Variants in PHACTR3 observed in about 807,000 individuals in gnomAD.
PHACTR3 encodes phosphatase and actin regulator 3.
In PHACTR3, 16 loss-of-function variants were observed where a neutral mutation model predicts 66.8. That is an observed-to-expected ratio of 0.24 (90% confidence interval 0.16 to 0.36). PHACTR3 has a LOEUF of 0.36. PHACTR3 is among the 10% of genes least tolerant of loss of function. The pLI is 1.00. For missense variants in PHACTR3, 647 were observed against 719.9 expected (o/e 0.90, Z 1.16); for synonymous variants, 323 against 292.1 (o/e 1.11, Z -1.08).
rs756735750 is a variant in PHACTR3 at position 59,829,609 on chromosome 20, C to G, written c.1329-6896C>G. Among the ~76,000 whole-genome samples, 1 of 151,964 alleles carries G rather than the reference C, an allele frequency of 6.6e-6. No homozygotes were observed. The highest frequency in any genetic ancestry group is 1.5e-5 in the Non-Finnish European group (1 of 67,970). ...TGAATGGTGTGTGGAGACGCTGCCT[C>G]GCTGGGGAATCCCATCTCCAGGCGG... On this transcript the variant is annotated intron_variant, in intron 8 of 12. Transcript: ENST00000371015. The surrounding 1 kb of genome is among the most constrained non-coding windows in gnomAD (Gnocchi z 4.2).
chr20:59,733,814 A>C (rs1263548656), intron 1 of PHACTR3, among the ~76,000 whole-genome samples: 1 of 152,186 alleles, frequency 6.6e-6, no homozygotes, highest in Non-Finnish European at 1.5e-5. Flanking sequence ...GAGCAAATTC[A>C]TGCCAGGTGC....
At chr20:59,839,219 C>A (rs1461359007) in intron 9 of PHACTR3, among the ~76,000 whole-genome samples, 1 of 152,002 alleles carries the variant, frequency 6.6e-6, no homozygotes, top group Non-Finnish European at 1.5e-5. Context: ...TCTGATGATA[C>A]CTTAAAAGTA....
In PHACTR3 at chr20:59,767,306, T is replaced by C; in HGVS notation, c.662T>C (p.Leu221Pro). Reference protein sequence around the residue: ...ADSLDSPPRPLERSVGQLPSP... With the variant: ...ADSLDSPPRPPERSVGQLPSP... ...TCCCTGGACAGTCCTCCCAGACCTC[T>C]GGAGAGATCCGTGGGCCAGCTCCCC... The change falls in exon 5 of 13, where the codon CTG becomes CCG. Residue 221 changes from leucine to proline, a missense_variant. Physicochemically the swap from Leu to Pro is moderately conservative, Grantham distance 98. Around this residue, in one of 2 missense-constraint regions of PHACTR3, gnomAD observed 577 missense variants for 571.1 expected, o/e 1.01. Coordinates refer to ENST00000371015, the MANE Select transcript of PHACTR3 (RefSeq NM_080672.5). The C allele has an allele frequency of 6.2e-7, 1 of 1,614,206 alleles. No homozygotes were observed. Among genetic ancestry groups the C allele is most frequent in the Non-Finnish European group, 8.5e-7 (1 of 1,180,026 alleles).
intron 1 of PHACTR3, among the ~76,000 whole-genome samples, chr20:59,653,935 C>T (rs887347746): frequency 2.0e-5 from 3 of 152,150 alleles, no homozygotes; most frequent in African/African-American, 4.8e-5. Context: ...CCCACTAAAA[C>T]GAAGCAGAGT....
intron 1 of PHACTR3, among the ~76,000 whole-genome samples, chr20:59,580,256 G>T (rs1377594910): frequency 6.6e-6 from 1 of 152,138 alleles, no homozygotes; most frequent in South Asian, 2.1e-4. Flanking sequence ...ACCCAAGGAA[G>T]AACCAGGCTG....
intron 1 of PHACTR3, among the ~76,000 whole-genome samples, chr20:59,716,882 GA>G (rs1398886569): frequency 1.3e-5 from 2 of 152,144 alleles, no homozygotes; most frequent in African/African-American, 4.8e-5. Flanking sequence ...AAGGGTTCCA[GA>G]AGGCCATTAA....
At chr20:59,666,660 T>G (rs1231992282) in intron 1 of PHACTR3, among the ~76,000 whole-genome samples, 4 of 147,122 alleles carry the variant, frequency 2.7e-5, no homozygotes, top group Middle Eastern at 3.5e-3. Context: ...GACAGAGAGA[T>G]AGAGAAACAG....
chr20:59,708,127 C>T (rs1227754796), intron 1 of PHACTR3, among the ~76,000 whole-genome samples: 2 of 152,192 alleles, frequency 1.3e-5, no homozygotes, highest in Non-Finnish European at 2.9e-5. Context: ...CTACCTCTGT[C>T]TGTACAGCTG....
At chr20:59,739,257 C>A (rs530633651) in intron 1 of PHACTR3, among the ~76,000 whole-genome samples, 5 of 152,256 alleles carry the variant, frequency 3.3e-5, no homozygotes, top group Admixed American at 6.5e-5. Flanking sequence ...GAATGTCAAA[C>A]AAGACATTCC....
Position 59,604,650 on chromosome 20 carries a change from C to T in PHACTR3, c.-365C>T. ...CCCCAGACATTCCAGGACATCACCC[C>T]CTGCCCCAAGCACGCAATAAACACT... On this transcript the variant is annotated 5_prime_UTR_variant, in exon 1 of 13. Coordinates refer to ENST00000371015, the MANE Select transcript of PHACTR3 (RefSeq NM_080672.5). 1 of 991,560 alleles carries T rather than the reference C, an allele frequency of 1.0e-6. No individual in the cohort carries two copies. Among genetic ancestry groups the T allele is most frequent in the Non-Finnish European group, 1.2e-6 (1 of 834,006 alleles). The allele number at this position is 991,560 out of a possible 1,614,324, so 61.4% of individuals were successfully genotyped here. A position where few individuals can be genotyped will look rare whatever the true frequency, so the allele number is the denominator to read the frequency against.
chr20:59,777,079 G>T (rs1432707602), intron 7 of PHACTR3, among the ~76,000 whole-genome samples: 1 of 152,148 alleles, frequency 6.6e-6, no homozygotes, highest in East Asian at 1.9e-4. Context: ...CTCCAAGGAG[G>T]AGCCATTCTC....
In PHACTR3 at chr20:59,604,595, G is replaced by A. The variant is rs1432302481; in HGVS notation, c.-420G>A. ...TTCCTTTTCCCTTTTTTCCTGGGGGGGTGGGGGGTGGGGTGGGGGGAGGGA... is the reference window on the plus strand; with the variant it reads ...TTCCTTTTCCCTTTTTTCCTGGGGGAGTGGGGGGTGGGGTGGGGGGAGGGA... On this transcript the variant is annotated 5_prime_UTR_variant, in exon 1 of 13. Transcript: ENST00000371015. 1.1e-5 allele frequency: 4 copies of A among 370,374 alleles called. No homozygotes were observed. Among genetic ancestry groups the A allele is most frequent in the Non-Finnish European group, 1.5e-5 (4 of 270,388 alleles). The allele number at this position is 370,374 out of a possible 1,614,324, so 22.9% of individuals were successfully genotyped here.
At chr20:59,692,674 T>G (rs2037155273) in intron 1 of PHACTR3, among the ~76,000 whole-genome samples, 1 of 152,236 alleles carries the variant, frequency 6.6e-6, no homozygotes, top group Admixed American at 6.5e-5. Flanking sequence ...ACAAAAGGCC[T>G]GGTTCCCTGC....
At chr20:59,606,311 C>CG (rs1568929428) in intron 1 of PHACTR3, among the ~76,000 whole-genome samples, 2 of 151,340 alleles carry the variant, frequency 1.3e-5, no homozygotes, top group South Asian at 4.2e-4. Context: ...CCTCCCCCCC[C>CG]CATTTGAAAA....
chr20:59,669,735 TTA>T (rs2036126728), intron 1 of PHACTR3, among the ~76,000 whole-genome samples: 1 of 152,240 alleles, frequency 6.6e-6, no homozygotes, highest in Non-Finnish European at 1.5e-5. Context: ...CATGTGGCGG[TTA>T]TGACTGGCTT....
chr20:59,624,712 C>G (rs2034383301), intron 1 of PHACTR3, among the ~76,000 whole-genome samples: 1 of 152,098 alleles, frequency 6.6e-6, no homozygotes, highest in South Asian at 2.1e-4. Flanking sequence ...TGGAGCTGAC[C>G]TGCTGGAGCC....
At chr20:59,737,556 C>G (rs1193714327) in intron 1 of PHACTR3, among the ~76,000 whole-genome samples, 13 of 151,362 alleles carry the variant, frequency 8.6e-5, no homozygotes, top group Admixed American at 8.6e-4. Flanking sequence ...ATGTGTGTGT[C>G]TCTGTGTGCA....
intron 8 of PHACTR3, 22 bp downstream of exon 8, chr20:59,806,216 C>T (rs1489279878): frequency 6.2e-7 from 1 of 1,611,144 alleles, no homozygotes; most frequent in African/African-American, 1.3e-5. Flanking sequence ...CTTGCGGGCA[C>T]AGCCGGGCCT....
At chr20:59,655,625 T>C (rs558554342) in intron 1 of PHACTR3, among the ~76,000 whole-genome samples, 1 of 152,084 alleles carries the variant, frequency 6.6e-6, no homozygotes, top group Non-Finnish European at 1.5e-5. Flanking sequence ...ATTTTCTCTG[T>C]TGTTTTTCTA....
Sources: allele counts gnomAD v4.1 joint callset (sites outside exome capture counted in the v4.1 genomes callset), GRCh38; gene constraint gnomAD v4.1.1; regional missense constraint gnomAD v4.1.1; non-coding constraint Gnocchi (gnomAD v3.1); transcripts MANE v1.5; gene names NCBI Gene and HGNC (gene_info 2026-07-23, HGNC 2026-07-21).